RBFOX1: variants seen among roughly 807,000 people sequenced by gnomAD.
The protein encoded by RBFOX1 is RNA binding fox-1 homolog 1, also known as RNA binding protein fox-1 homolog 1.
Under a neutral mutation model 57.7 loss-of-function variants are expected in RBFOX1, and 8 were observed. The observed-to-expected ratio is 0.14, with a 90% CI of 0.08 to 0.25. The LOEUF (loss-of-function observed/expected upper bound fraction) is 0.25. Among genes scored for constraint, RBFOX1 ranks in the 10% least tolerant of loss-of-function variants. The probability of loss-of-function intolerance (pLI) is 1.00; values close to 1 mark genes in which losing one functional copy is unlikely to be tolerated. For synonymous variants in RBFOX1, 326 were observed against 222.4 expected (o/e 1.47, Z -4.15); for missense variants, 611 against 548.5 (o/e 1.11, Z -1.14).
intron 2 of RBFOX1, among the ~76,000 whole-genome samples, chr16:6,404,603 C>G (rs1567202887): frequency 6.6e-6 from 1 of 152,246 alleles, no homozygotes; most frequent in East Asian, 1.9e-4. Flanking sequence ...CCTTCATGAG[C>G]AGCAGTCCTA....
At chr16:6,885,506 A>C (rs569845840) in intron 3 of RBFOX1, among the ~76,000 whole-genome samples, 2 of 152,000 alleles carry the variant, frequency 1.3e-5, no homozygotes, top group South Asian at 4.2e-4. Flanking sequence ...TGGTGCATTA[A>C]ATCTACTTCT....
At chr16:5,729,495 A>G (rs1424753279) in intron 3 of RBFOX1, among the ~76,000 whole-genome samples, 2 of 150,610 alleles carry the variant, frequency 1.3e-5, no homozygotes, top group Admixed American at 6.7e-5. Flanking sequence ...ATATAAATGT[A>G]AAAATCACAG....
intron 4 of RBFOX1, among the ~76,000 whole-genome samples, chr16:7,058,517 A>G (rs1286206467): frequency 6.6e-6 from 1 of 152,126 alleles, no homozygotes. Flanking sequence ...AATCCTCTCT[A>G]TGTCAAATTC....
rs369038224 is a variant in RBFOX1 at position 7,072,433 on chromosome 16, C to G, written c.27+20335C>G. On this transcript the variant is annotated intron_variant, in intron 4 of 15. Transcript: ENST00000550418. ...TCTTACTCCCTTTAGATTGACTCCT[C>G]TTAAGGGTAAGAGAATGCTTATTTT... 3.1e-4 allele frequency among the ~76,000 whole-genome samples: 47 copies of G among 152,304 alleles called. 1 individual carries two copies. The South Asian group carries it at 9.5e-3, about 31-fold the overall frequency.
intron 4 of RBFOX1, among the ~76,000 whole-genome samples, chr16:5,882,383 G>C (rs569795327): frequency 1.3e-5 from 2 of 152,260 alleles, no homozygotes; most frequent in Admixed American, 6.5e-5. Flanking sequence ...AGATTTATGG[G>C]CAACACCTGG....
intron 1 of RBFOX1, among the ~76,000 whole-genome samples, chr16:6,286,416 G>T (rs138136526): frequency 6.6e-6 from 1 of 152,322 alleles, no homozygotes; most frequent in African/African-American, 2.4e-5. Flanking sequence ...CCTACAGCCT[G>T]GCTACCTTGG....
intron 2 of RBFOX1, among the ~76,000 whole-genome samples, chr16:5,499,545 G>A (rs745370684): frequency 2.6e-5 from 4 of 151,982 alleles, no homozygotes; most frequent in Non-Finnish European, 4.4e-5. Context: ...AGATTTAAAC[G>A]CAGGTTTTTC....
intron 3 of RBFOX1, among the ~76,000 whole-genome samples, chr16:6,721,014 G>A (rs1568348418): frequency 6.6e-6 from 1 of 152,190 alleles, no homozygotes; most frequent in Non-Finnish European, 1.5e-5. Context: ...TCACGAATAT[G>A]CAGCTTTTAT....
intron 4 of RBFOX1, among the ~76,000 whole-genome samples, chr16:7,131,400 T>TC (rs1387475292): frequency 6.9e-6 from 1 of 145,742 alleles, no homozygotes; most frequent in Non-Finnish European, 1.5e-5. Context: ...TTCTGCTTAG[T>TC]CAGTGCCTAC....
chr16:5,640,959 TACACACATGC>T (rs2048848307), intron 3 of RBFOX1, among the ~76,000 whole-genome samples: 1 of 148,340 alleles, frequency 6.7e-6, no homozygotes, highest in East Asian at 2.0e-4. Context: ...CACACATGCA[TACACACATGC>T]ACACACATAC....
chr16:6,408,645 C>G (rs138468019), intron 2 of RBFOX1, among the ~76,000 whole-genome samples: 3 of 152,084 alleles, frequency 2.0e-5, no homozygotes, highest in African/African-American at 7.2e-5. Flanking sequence ...TCTCCTCTTC[C>G]CTCCCTCTCT....
chr16:5,447,805 T>C (rs1198143749), intron 1 of RBFOX1, among the ~76,000 whole-genome samples: 2 of 152,258 alleles, frequency 1.3e-5, no homozygotes, highest in Non-Finnish European at 2.9e-5. Flanking sequence ...TGCCCACTGC[T>C]CAGCCTCTTC....
intron 4 of RBFOX1, among the ~76,000 whole-genome samples, chr16:7,083,144 G>C (rs1447151625): frequency 7.2e-5 from 11 of 152,150 alleles, no homozygotes; most frequent in Non-Finnish European, 1.3e-4. Flanking sequence ...GTTATGAGCA[G>C]AATTTAAAAC....
At chr16:5,734,615 T>A (rs2052505409) in intron 3 of RBFOX1, among the ~76,000 whole-genome samples, 1 of 152,126 alleles carries the variant, frequency 6.6e-6, no homozygotes, top group Non-Finnish European at 1.5e-5. Flanking sequence ...TCCACTGATC[T>A]CAAAGCTAGG....
intron 3 of RBFOX1, among the ~76,000 whole-genome samples, chr16:6,920,731 C>A (rs183173297): frequency 2.6e-5 from 4 of 152,200 alleles, no homozygotes; most frequent in African/African-American, 9.6e-5. Flanking sequence ...TCACTCCAGT[C>A]TTTACTTCAT....
intron 4 of RBFOX1, among the ~76,000 whole-genome samples, chr16:7,431,939 G>T (rs1023451925): frequency 1.3e-5 from 2 of 152,214 alleles, no homozygotes; most frequent in African/African-American, 4.8e-5. Flanking sequence ...CACAAAAGAT[G>T]ATTTTCTCTG....
At chr16:6,607,929 T>C (rs761526536) in intron 2 of RBFOX1, among the ~76,000 whole-genome samples, 3 of 152,182 alleles carry the variant, frequency 2.0e-5, no homozygotes, top group Non-Finnish European at 4.4e-5. Flanking sequence ...AAATAGAATA[T>C]ATACAAACTT....
intron 3 of RBFOX1, among the ~76,000 whole-genome samples, chr16:6,892,846 C>T (rs974611654): frequency 2.1e-4 from 30 of 144,366 alleles, no homozygotes; most frequent in African/African-American, 6.6e-4. Flanking sequence ...TCAGGGTGTT[C>T]TGTGCCCCCC....
chr16:6,485,094 C>G (rs1187422290), intron 2 of RBFOX1, among the ~76,000 whole-genome samples: 1 of 152,146 alleles, frequency 6.6e-6, no homozygotes, highest in South Asian at 2.1e-4. Flanking sequence ...TTTGCTATGA[C>G]TAAGTTTGAA....
Sources: gnomAD v4.1 joint callset for allele counts (sites outside exome capture counted in the v4.1 genomes callset) on GRCh38, gnomAD v4.1.1 for gene constraint, MANE v1.5 for transcripts, NCBI Gene and HGNC (gene_info 2026-07-23, HGNC 2026-07-21) for gene names.